Variants in TAFA2 observed in about 807,000 individuals in gnomAD.
TAFA2 encodes chemokine-like protein TAFA-2.
Under a neutral mutation model 18.8 loss-of-function variants are expected in TAFA2, and 7 were observed. The observed-to-expected ratio is 0.37, with a 90% CI of 0.21 to 0.70. TAFA2 has a LOEUF of 0.70. Ranked by LOEUF, TAFA2 falls within the 30% of genes least tolerant of loss-of-function variation. TAFA2 has a pLI of 0.53. For missense variants in TAFA2, 122 were observed against 158.1 expected (o/e 0.77, Z 1.23); for synonymous variants, 60 against 54.2 (o/e 1.11, Z -0.47).
chr12:61,795,615 T>C (rs1871157386), intron 2 of TAFA2, among the ~76,000 whole-genome samples: 1 of 151,718 alleles, frequency 6.6e-6, no homozygotes, highest in Non-Finnish European at 1.5e-5. Context: ...TTGGGAGATA[T>C]ACCTAATGTA....
chr12:62,117,679 T>C lies in TAFA2; in HGVS notation c.-2+73580A>G, dbSNP rs574356238. On this transcript the variant is annotated intron_variant, in intron 1 of 4. Transcript: ENST00000416284. ...AAAATGTAGTAGAATGAGTCCTATGTTTCCTTTTTTATGTGATAGACACAG... is the reference window on the plus strand; with the variant it reads ...AAAATGTAGTAGAATGAGTCCTATGCTTCCTTTTTTATGTGATAGACACAG... Among the ~76,000 whole-genome samples the C allele has an allele frequency of 3.3e-5, 5 of 152,222 alleles. No homozygotes were observed. The East Asian group carries it at 9.6e-4, about 29-fold the overall frequency.
intron 1 of TAFA2, among the ~76,000 whole-genome samples, chr12:61,936,355 T>G (rs888073043): frequency 4.6e-5 from 7 of 151,898 alleles, no homozygotes; most frequent in Non-Finnish European, 8.8e-5. Flanking sequence ...TCACCTGAGG[T>G]CAGGAGTTTG....
chr12:61,797,948 C>A (rs999133579), intron 2 of TAFA2, among the ~76,000 whole-genome samples: 1 of 152,130 alleles, frequency 6.6e-6, no homozygotes, highest in Non-Finnish European at 1.5e-5. Context: ...AGTGTCTACT[C>A]ATATAGAAAT....
At chr12:61,729,332 T>C (rs1344175606) in intron 4 of TAFA2, among the ~76,000 whole-genome samples, 4 of 151,906 alleles carry the variant, frequency 2.6e-5, no homozygotes, top group Non-Finnish European at 5.9e-5. Context: ...TTTCTAAAGT[T>C]TTAGATTTCT....
chr12:61,880,534 T>C, intron 1 of TAFA2: 2 of 504,870 alleles, frequency 4.0e-6, no homozygotes, highest in Non-Finnish European at 7.9e-6. Context: ...GGCAAGAGTC[T>C]AGGATGCAGA....
intron 2 of TAFA2, among the ~76,000 whole-genome samples, chr12:61,860,879 T>A (rs1366151199): frequency 6.6e-6 from 1 of 152,192 alleles, no homozygotes; most frequent in Admixed American, 6.5e-5. Flanking sequence ...TTTGTGTTAT[T>A]ATCTGATTAA....
At chr12:61,886,527 C>A (rs1366429716) in intron 1 of TAFA2, among the ~76,000 whole-genome samples, 1 of 152,132 alleles carries the variant, frequency 6.6e-6, no homozygotes, top group Non-Finnish European at 1.5e-5. Context: ...TTGCCTTATC[C>A]CTAAATGTCA....
At chr12:61,891,132 A>C (rs1875614867) in intron 1 of TAFA2, among the ~76,000 whole-genome samples, 1 of 152,214 alleles carries the variant, frequency 6.6e-6, no homozygotes, top group South Asian at 2.1e-4. Flanking sequence ...GGAGAAAATA[A>C]ATGAATACCT....
At chr12:62,139,314 C>T (rs1378694656) in intron 1 of TAFA2, among the ~76,000 whole-genome samples, 2 of 152,162 alleles carry the variant, frequency 1.3e-5, no homozygotes, top group Non-Finnish European at 2.9e-5. Flanking sequence ...TACTGAATTA[C>T]TGAATGTTAT....
At chr12:62,097,163 T>C (rs1868986930) in intron 1 of TAFA2, among the ~76,000 whole-genome samples, 2 of 152,138 alleles carry the variant, frequency 1.3e-5, no homozygotes, top group Admixed American at 6.6e-5. Context: ...CAAAAAGACA[T>C]GATCTCTAAT....
intron 2 of TAFA2, among the ~76,000 whole-genome samples, chr12:61,771,004 T>A (rs1870000254): frequency 6.6e-6 from 1 of 151,994 alleles, no homozygotes. Context: ...AAGAGACTCA[T>A]CTAACACATA....
At chr12:62,039,495 G>A (rs559758266) in intron 1 of TAFA2, among the ~76,000 whole-genome samples, 71 of 152,238 alleles carry the variant, frequency 4.7e-4, no homozygotes, top group Admixed American at 7.9e-4. Context: ...CAATTGTAAA[G>A]CAGAAACTTG....
At chr12:62,165,588 CA>C (rs889757160) in intron 1 of TAFA2, among the ~76,000 whole-genome samples, 1 of 152,074 alleles carries the variant, frequency 6.6e-6, no homozygotes, top group Non-Finnish European at 1.5e-5. Flanking sequence ...AAAAGTAGCT[CA>C]AAATCTTTAC....
At chr12:62,157,128 G>A (rs1015304156) in intron 1 of TAFA2, among the ~76,000 whole-genome samples, 1 of 151,956 alleles carries the variant, frequency 6.6e-6, no homozygotes, top group Non-Finnish European at 1.5e-5. Context: ...AAAAATGAAG[G>A]ACAATAATAA....
intron 2 of TAFA2, among the ~76,000 whole-genome samples, chr12:61,826,757 GTCTC>G (rs143012938): frequency 1.2e-4 from 18 of 149,280 alleles, no homozygotes; most frequent in East Asian, 5.9e-4. Flanking sequence ...TCTGAACTCT[GTCTC>G]TCTCTCTCTC....
At chr12:62,060,782 T>G (rs1882326709) in intron 1 of TAFA2, among the ~76,000 whole-genome samples, 1 of 152,200 alleles carries the variant, frequency 6.6e-6, no homozygotes. Context: ...CTAATGTGTA[T>G]GTTTGTGTCA....
chr12:61,763,140 T>C lies in TAFA2; in HGVS notation c.107-8116A>G, dbSNP rs138106948. Among the ~76,000 whole-genome samples, 831 of 152,188 alleles carry C rather than the reference T, an allele frequency of 5.5e-3. 6 individuals are homozygous for C. The highest frequency in any genetic ancestry group is 0.019 in the African/African-American group (787 of 41,548). The stretch of plus-strand genomic sequence containing the variant: ...AGAAATAGTAATTTAAATAGCTCAA[T>C]GAAATTTCAAAAGTTCTCATAATTT... On this transcript the variant is annotated intron_variant, in intron 2 of 4. Transcript: ENST00000416284.
chr12:62,232,303 T>G (rs1188727423), intron 1 of TAFA2, among the ~76,000 whole-genome samples: 1 of 152,206 alleles, frequency 6.6e-6, no homozygotes, highest in Non-Finnish European at 1.5e-5. Context: ...CCTGAAATAC[T>G]GATATGTCCC....
chr12:62,194,401 T>C (rs1424733329), upstream of TAFA2, among the ~76,000 whole-genome samples: 1 of 152,202 alleles, frequency 6.6e-6, no homozygotes, highest in African/African-American at 2.4e-5. Context: ...TTGTAATCTA[T>C]AGTTTTGTCA....
Sources: allele counts gnomAD v4.1 joint callset (sites outside exome capture counted in the v4.1 genomes callset), GRCh38; gene constraint gnomAD v4.1.1; transcripts MANE v1.5; gene names NCBI Gene and HGNC (gene_info 2026-07-23, HGNC 2026-07-21).